PI4KA: variants seen among roughly 807,000 people sequenced by gnomAD.
PI4KA encodes the protein phosphatidylinositol 4-kinase alpha.
PI4KA carries 122 observed loss-of-function variants against 271.4 expected under a neutral mutation model. The ratio of observed to expected loss-of-function variants is 0.45; its 90% CI spans 0.39 to 0.52. The LOEUF (loss-of-function observed/expected upper bound fraction) is 0.52, where lower values mean the gene tolerates loss of function less well. Among genes scored for constraint, PI4KA ranks in the 20% least tolerant of loss-of-function variants. The probability of loss-of-function intolerance (pLI) is 0.00; values close to 1 mark genes in which losing one functional copy is unlikely to be tolerated. For missense variants in PI4KA, 1,969 were observed against 2,769.1 expected (o/e 0.71, Z 6.48); for synonymous variants, 1,041 against 1,078.8 (o/e 0.96, Z 0.69).
intron 36 of PI4KA, among the ~76,000 whole-genome samples, chr22:20,730,726 T>C (rs888079033): frequency 6.6e-6 from 1 of 151,916 alleles, no homozygotes; most frequent in Non-Finnish European, 1.5e-5. Context: ...CCCACCACCA[T>C]GCCTGGCTAA....
chr22:20,720,291 G>C (rs1926580083), intron 43 of PI4KA, among the ~76,000 whole-genome samples: 1 of 151,614 alleles, frequency 6.6e-6, no homozygotes, highest in African/African-American at 2.4e-5. Context: ...CCTTTTTTTT[G>C]GCGATCCTCC....
chr22:20,805,104 G>A lies in PI4KA; in HGVS notation c.1230C>T (p.Ser410=), dbSNP rs1935567968. Residue 410 remains serine (S), a synonymous_variant, in exon 11 of 55, where the codon AGC becomes AGT. Coordinates refer to ENST00000255882, the MANE Select transcript of PI4KA (RefSeq NM_058004.4). ...HDFVLEQFNT[S]QGELQKILHD... is the part of the protein sequence containing the mutation. ...GTAGAATCTTCTGGAGCTCCCCCTG[G>A]CTCGTGTTGAACTGCTCCAGCACAA... 1 of 1,614,034 alleles carries A rather than the reference G, an allele frequency of 6.2e-7. No homozygotes were observed. The highest frequency in any genetic ancestry group is 1.1e-5 in the South Asian group (1 of 91,074).
chr22:20,785,365 C>G (rs1934136303), intron 19 of PI4KA, among the ~76,000 whole-genome samples: 2 of 152,232 alleles, frequency 1.3e-5, no homozygotes, highest in Non-Finnish European at 1.5e-5. Flanking sequence ...GCCGCTGTGC[C>G]TGGCCCATTT....
intron 27 of PI4KA, among the ~76,000 whole-genome samples, chr22:20,750,967 T>C (rs16988764): frequency 0.072 from 10,921 of 152,256 alleles, 383 homozygotes; most frequent in East Asian, 0.079. Flanking sequence ...AAAATCATGC[T>C]TGTGCGACGC....
At chr22:20,782,366 G>A (rs1234979274) in intron 19 of PI4KA, among the ~76,000 whole-genome samples, 16 of 152,192 alleles carry the variant, frequency 1.1e-4, no homozygotes. Context: ...CCCATCATGA[G>A]AATAGTCACT....
At chr22:20,739,664 G>A (rs1034271184) in intron 32 of PI4KA, among the ~76,000 whole-genome samples, 1 of 152,020 alleles carries the variant, frequency 6.6e-6, no homozygotes, top group African/African-American at 2.4e-5. Context: ...ACCAGATAAC[G>A]ATATAAAAAT....
chr22:20,713,107 A>T, intron 48 of PI4KA, 174 bp downstream of exon 48: 1 of 693,276 alleles, frequency 1.4e-6, no homozygotes, highest in Non-Finnish European at 2.5e-6. Context: ...AAGGGGCTGG[A>T]AGGAGAGGCC....
intron 32 of PI4KA, among the ~76,000 whole-genome samples, chr22:20,737,430 AACCCACTCCTATCTGAGG>A (rs1484426904): frequency 6.6e-5 from 10 of 151,984 alleles, no homozygotes; most frequent in Admixed American, 6.6e-5. Flanking sequence ...GGGGTCAACC[AACCCACTCCTATCTGAGG>A]ACCCACTCCT....
chr22:20,834,523 T>C, intron 3 of PI4KA, 39 bp downstream of exon 3: 1 of 1,203,984 alleles, frequency 8.3e-7, no homozygotes, highest in Non-Finnish European at 1.2e-6. Context: ...AACATGTGTA[T>C]TTTCTCTTAT....
chr22:20,742,775 A>G lies in PI4KA; in HGVS notation c.3457-11T>C. ...AATCATTCCATACACCTGCAAAAACATTCTCATCAGCAACTAAGCATATAA... is the reference window on the plus strand; with the variant it reads ...AATCATTCCATACACCTGCAAAAACGTTCTCATCAGCAACTAAGCATATAA... On this transcript the variant is annotated splice_polypyrimidine_tract_variant and intron_variant, in intron 30 of 54. Coordinates refer to ENST00000255882, the MANE Select transcript of PI4KA (RefSeq NM_058004.4). 6.2e-7 allele frequency: 1 copy of G among 1,613,772 alleles called. No individual in the cohort carries two copies.
intron 1 of PI4KA, among the ~76,000 whole-genome samples, chr22:20,844,833 C>T (rs1446812928): frequency 2.0e-5 from 3 of 152,126 alleles, no homozygotes; most frequent in Non-Finnish European, 4.4e-5. Context: ...ATGAAACAGA[C>T]ACAGAGAGGT....
chr22:20,783,919 C>T (rs1328307612), intron 19 of PI4KA: 5 of 1,610,098 alleles, frequency 3.1e-6, no homozygotes, highest in South Asian at 1.1e-5. Flanking sequence ...AAGGGTGAGA[C>T]GATTTCCCTA....
intron 42 of PI4KA, chr22:20,721,631 G>A (rs1218364762): frequency 1.8e-6 from 1 of 552,126 alleles, no homozygotes; most frequent in East Asian, 2.9e-5. Flanking sequence ...TGGGGGGCAG[G>A]GTTGCAAAGC....
chr22:20,851,326 T>C (rs1314580655), intron 1 of PI4KA, among the ~76,000 whole-genome samples: 1 of 151,996 alleles, frequency 6.6e-6, no homozygotes, highest in East Asian at 1.9e-4. Flanking sequence ...TAGTATAGCC[T>C]TGGGTTTTTT....
intron 3 of PI4KA, among the ~76,000 whole-genome samples, chr22:20,834,255 G>A (rs1924579189): frequency 6.6e-6 from 1 of 152,158 alleles, no homozygotes; most frequent in African/African-American, 2.4e-5. Context: ...TTGGGGACGG[G>A]CAGATGACCC....
chr22:20,717,976 G>A, intron 44 of PI4KA, 198 bp from the exon 45 acceptor site: 1 of 589,002 alleles, frequency 1.7e-6, no homozygotes. Flanking sequence ...GCCCCGGAAG[G>A]GCTGTTTTCT....
At chr22:20,722,671 T>A (rs1926881077) in intron 42 of PI4KA, among the ~76,000 whole-genome samples, 1 of 152,204 alleles carries the variant, frequency 6.6e-6, no homozygotes, top group South Asian at 2.1e-4. Flanking sequence ...ACTCCAGTTT[T>A]AATTCCATGC....
At chr22:20,779,842 T>C (rs766642215) in intron 19 of PI4KA, 1 of 1,614,236 alleles carries the variant, frequency 6.2e-7, no homozygotes, top group South Asian at 1.1e-5. Context: ...CATGAACAAG[T>C]GCACTCGATT....
chr22:20,764,694 T>G, intron 22 of PI4KA, 123 bp downstream of exon 22: 1 of 1,105,148 alleles, frequency 9.0e-7, no homozygotes, highest in Non-Finnish European at 1.3e-6. Flanking sequence ...TTTTGCTTGG[T>G]TTTTCAGAAA....
Sources: allele counts gnomAD v4.1 joint callset (sites outside exome capture counted in the v4.1 genomes callset), GRCh38; gene constraint gnomAD v4.1.1; transcripts MANE v1.5; gene names NCBI Gene and HGNC (gene_info 2026-07-23, HGNC 2026-07-21).